ZDHHC2: variants seen among roughly 807,000 people sequenced by gnomAD.
The protein encoded by ZDHHC2 is palmitoyltransferase ZDHHC2.
In ZDHHC2, 51 loss-of-function variants were observed where a neutral mutation model predicts 55.6. That is an observed-to-expected ratio of 0.92 (90% confidence interval 0.73 to 1.16). The LOEUF (loss-of-function observed/expected upper bound fraction) is 1.16, where lower values mean the gene tolerates loss of function less well. ZDHHC2 is among the 50% of genes most tolerant of loss of function. The pLI, the probability that ZDHHC2 is intolerant of heterozygous loss-of-function variation, is 0.00. For synonymous variants in ZDHHC2, 199 were observed against 152.9 expected, an observed-to-expected ratio of 1.30 and a Z score of -2.22; for missense variants, 491 against 442.4, an observed-to-expected ratio of 1.11 and a Z score of -0.99.
chr8:17,157,510 C>T (rs1429118502), intron 1 of ZDHHC2: 1 of 152,146 alleles, frequency 6.6e-6, no homozygotes, highest in Non-Finnish European at 1.5e-5. Flanking sequence ...AAGAGGTGAT[C>T]GTCTGAGGTT....
At chr8:17,219,758 T>A (rs995254364) in intron 12 of ZDHHC2, among the ~76,000 whole-genome samples, 1 of 152,124 alleles carries the variant, frequency 6.6e-6, no homozygotes, top group Non-Finnish European at 1.5e-5. Context: ...CCAGCCTGGG[T>A]GACAGAGTGA....
At position 17,222,263 on chromosome 8, in the gene ZDHHC2, T is replaced by C. The variant is rs143944990; in HGVS notation, c.*2042T>C. On this transcript the variant is annotated 3_prime_UTR_variant, in exon 13 of 13. Transcript: ENST00000262096. ...ATAGTGAATAACCTTTAAAGGGTTG[T>C]TTTGTTTTGTTTTGAATTATAGGAG... 3.3e-5 allele frequency: 5 copies of C among 151,732 alleles called. No individual in the cohort carries two copies. Among genetic ancestry groups the C allele is most frequent in the Admixed American group, 1.3e-4 (2 of 15,210 alleles). The allele number at this position is 151,732 out of a possible 1,614,324, so 9.4% of individuals were successfully genotyped here. A position where few individuals can be genotyped will look rare whatever the true frequency, so the allele number is the denominator to read the frequency against.
chr8:17,194,831 A>C (rs1298259519), intron 3 of ZDHHC2, among the ~76,000 whole-genome samples: 1 of 152,114 alleles, frequency 6.6e-6, no homozygotes, highest in Non-Finnish European at 1.5e-5. Context: ...TCAAACAATG[A>C]TACTGAGATT....
intron 10 of ZDHHC2, among the ~76,000 whole-genome samples, chr8:17,213,301 T>C (rs1807479239): frequency 6.6e-6 from 1 of 152,018 alleles, no homozygotes; most frequent in Admixed American, 6.6e-5. Context: ...TCACCCCGTC[T>C]GGAGTGCAGT....
At chr8:17,189,623 C>T (rs945912720) in intron 3 of ZDHHC2, among the ~76,000 whole-genome samples, 3 of 152,138 alleles carry the variant, frequency 2.0e-5, no homozygotes, top group African/African-American at 7.2e-5. Context: ...TTATATATGA[C>T]ATCATTGGCT....
chr8:17,197,680 C>G (rs542087866), intron 5 of ZDHHC2, 29 bp downstream of exon 5: 3 of 1,587,058 alleles, frequency 1.9e-6, no homozygotes, highest in Admixed American at 3.4e-5. Context: ...TCTAAAATAT[C>G]TACATGCTGG....
intron 7 of ZDHHC2, 73 bp downstream of exon 7, chr8:17,205,848 A>G: frequency 7.1e-7 from 1 of 1,411,788 alleles, no homozygotes; most frequent in Non-Finnish European, 9.5e-7. Flanking sequence ...GAACAGAATT[A>G]TTTCCGACAC....
intron 6 of ZDHHC2, among the ~76,000 whole-genome samples, chr8:17,198,776 GAATT>G (rs142628765): frequency 2.0e-5 from 3 of 152,240 alleles, no homozygotes; most frequent in African/African-American, 7.2e-5. Context: ...TTTTTATAAA[GAATT>G]AAGTCATCAA....
intron 1 of ZDHHC2, chr8:17,162,720 T>C (rs1778001368): frequency 6.6e-6 from 1 of 152,176 alleles, no homozygotes; most frequent in African/African-American, 2.4e-5. Flanking sequence ...CTAGCTGGCT[T>C]GAGCATGAGG....
rs1807196661 is a variant in ZDHHC2 at position 17,208,091 on chromosome 8, A to C, written c.729A>C (p.Leu243Phe). Residue 243 changes from leucine (L) to phenylalanine (F), a missense_variant and splice_region_variant, in exon 8 of 13, where the codon TTA becomes TTC. By Grantham distance (22) the Leu-to-Phe change is conservative. Transcript: ENST00000262096. ...CWLVSKNKST[L>F]EAFRSPVFRH... Reference sequence around the variant, plus strand: ...TAGTCAGCAAAAATAAATCTACATTAGGTGAGTATCCAATTATTGTAGTTG... The same window carrying C: ...TAGTCAGCAAAAATAAATCTACATTCGGTGAGTATCCAATTATTGTAGTTG... 1 of 1,562,238 alleles carries C rather than the reference A, an allele frequency of 6.4e-7. No homozygotes were observed. The highest frequency in any genetic ancestry group is 1.4e-5 in the African/African-American group (1 of 73,816).
At chr8:17,174,834 C>T (rs928533988) in intron 1 of ZDHHC2, among the ~76,000 whole-genome samples, 3 of 151,352 alleles carry the variant, frequency 2.0e-5, no homozygotes, top group African/African-American at 7.3e-5. Flanking sequence ...CCTCAGCCTC[C>T]TGACTAGCTG....
At chr8:17,203,421 G>A (rs6986774) in intron 6 of ZDHHC2, among the ~76,000 whole-genome samples, 26 of 151,882 alleles carry the variant, frequency 1.7e-4, no homozygotes, top group African/African-American at 6.0e-4. Flanking sequence ...TAGTAGAGAC[G>A]GGTTTTCACC....
At chr8:17,198,184 ATAT>A (rs1384308627) in intron 5 of ZDHHC2, among the ~76,000 whole-genome samples, 194 bp from the exon 6 acceptor site, 3 of 152,270 alleles carry the variant, frequency 2.0e-5, no homozygotes, top group Admixed American at 2.0e-4. Context: ...AATTCAAGTT[ATAT>A]TATTATAAGA....
intron 7 of ZDHHC2, among the ~76,000 whole-genome samples, chr8:17,206,991 A>T (rs917781252): frequency 3.3e-5 from 5 of 152,218 alleles, no homozygotes; most frequent in African/African-American, 1.2e-4. Flanking sequence ...TCCAGCTTGA[A>T]AAATGAACCG....
rs562050209 is a variant in ZDHHC2 at position 17,198,721 on chromosome 8, C to G, written c.476+308C>G. 9.2e-4 allele frequency among the ~76,000 whole-genome samples: 140 copies of G among 152,214 alleles called. 1 individual carries two copies. The highest frequency in any genetic ancestry group is 3.0e-3 in the African/African-American group (126 of 41,548). On this transcript the variant is annotated intron_variant, in intron 6 of 12. Coordinates refer to ENST00000262096, the MANE Select transcript of ZDHHC2 (RefSeq NM_016353.5). Reference sequence around the variant, plus strand: ...TTCCAGAATACTTCACAGAAATACACACAAAGATGTACAAGTAAATTATAC... The same window carrying G: ...TTCCAGAATACTTCACAGAAATACAGACAAAGATGTACAAGTAAATTATAC...
chr8:17,208,163 T>C, intron 8 of ZDHHC2, 71 bp downstream of exon 8: 1 of 1,410,398 alleles, frequency 7.1e-7, no homozygotes, highest in Admixed American at 2.7e-5. Context: ...AGTTGCTATG[T>C]GATTAAATGC....
At chr8:17,180,610 A>C (rs981313519) in intron 1 of ZDHHC2, among the ~76,000 whole-genome samples, 1 of 152,192 alleles carries the variant, frequency 6.6e-6, no homozygotes, top group African/African-American at 2.4e-5. Context: ...ACTCTACACA[A>C]GGCACTGTGT....
chr8:17,209,892 T>C lies in ZDHHC2; in HGVS notation c.731-40T>C, dbSNP rs775666155. The C allele has an allele frequency of 1.4e-5, 22 of 1,558,702 alleles. No homozygotes were observed. The Admixed American group carries it at 2.5e-4, about 18-fold the overall frequency. On this transcript the variant is annotated intron_variant, in intron 8 of 12. Transcript: ENST00000262096. ...AAATATTCAGGATTGCTAGTAAATA[T>C]GTTCTTTACTCATGTGATTCCTTTA...
intron 3 of ZDHHC2, among the ~76,000 whole-genome samples, chr8:17,193,562 G>A (rs1298375918): frequency 6.6e-6 from 1 of 152,220 alleles, no homozygotes; most frequent in Non-Finnish European, 1.5e-5. Flanking sequence ...GTTTGCTCAA[G>A]GCTGAAGGGC....
Sources: allele counts gnomAD v4.1 joint callset (sites outside exome capture counted in the v4.1 genomes callset), GRCh38; gene constraint gnomAD v4.1.1; transcripts MANE v1.5; gene names NCBI Gene and HGNC (gene_info 2026-07-23, HGNC 2026-07-21).